Variants in DUSP5 observed in about 807,000 individuals in gnomAD.
DUSP5 encodes dual specificity protein phosphatase 5.
In DUSP5, 22 loss-of-function variants were observed where a neutral mutation model predicts 33.6. The ratio of observed to expected loss-of-function variants is 0.66; its 90% CI spans 0.47 to 0.94. The LOEUF is 0.94. DUSP5 is among the 40% of genes least tolerant of loss of function. The pLI is 0.00. For missense variants in DUSP5, 551 were observed against 522.1 expected, an observed-to-expected ratio of 1.06 and a Z score of -0.54; for synonymous variants, 270 against 231.1, an observed-to-expected ratio of 1.17 and a Z score of -1.53.
At position 110,498,182 on chromosome 10, in the gene DUSP5, G is replaced by T; in HGVS notation, c.61G>T (p.Ala21Ser). 6.7e-7 allele frequency: 1 copy of T among 1,496,820 alleles called. No individual in the cohort carries two copies. The highest frequency in any genetic ancestry group is 8.9e-7 in the Non-Finnish European group (1 of 1,122,528). 92.7% of individuals were successfully genotyped at this position (1,496,820 alleles called of 1,614,324 possible). ...CAAGATGCTCCGCAAGGAGGCGGCG[G>T]CGCGCTGCGTGGTGCTCGACTGCCG... ...LRKMLRKEAA[A>S]RCVVLDCRPY... Residue 21 changes from alanine to serine, a missense_variant, in exon 1 of 4, where the codon GCG (alanine) becomes TCG (serine). Transcript: ENST00000369583.
intron 1 of DUSP5, among the ~76,000 whole-genome samples, 177 bp downstream of exon 1, chr10:110,498,677 C>T (rs1023875509): frequency 1.3e-5 from 2 of 152,190 alleles, no homozygotes; most frequent in African/African-American, 4.8e-5. Context: ...CAGAGCTCCC[C>T]CTCTTCCCCA....
intron 1 of DUSP5, 112 bp from the exon 2 acceptor site, chr10:110,502,609 A>ATTTTTT: frequency 1.5e-6 from 2 of 1,320,580 alleles, no homozygotes; most frequent in Middle Eastern, 2.1e-4. Flanking sequence ...GTACTGGCTT[A>ATTTTTT]TTTTTTTTCT....
At chr10:110,502,977 G>A in intron 2 of DUSP5, 108 bp downstream of exon 2, 1 of 1,446,068 alleles carries the variant, frequency 6.9e-7, no homozygotes, top group South Asian at 1.4e-5. Context: ...ATGATGGTTA[G>A]TTCTTTTGTG....
At chr10:110,505,914 G>A (rs919134669) in intron 2 of DUSP5, among the ~76,000 whole-genome samples, 3 of 152,110 alleles carry the variant, frequency 2.0e-5, no homozygotes, top group African/African-American at 4.8e-5. Flanking sequence ...CTCTGTAAGC[G>A]GGTCTCACCA....
intron 3 of DUSP5, among the ~76,000 whole-genome samples, chr10:110,508,902 G>A (rs969829125): frequency 2.0e-5 from 3 of 152,190 alleles, no homozygotes; most frequent in Non-Finnish European, 4.4e-5. Flanking sequence ...CCTCCCTGAT[G>A]CCTCAGAAAT....
rs1860180501 is a variant in DUSP5 at position 110,510,639 on chromosome 10, C to G, written c.*213C>G. ...AAGGAAGGCCAAGCCATTACGGGAG[C>G]ACAGCATGTGCTGACTACTGTACTT... On this transcript the variant is annotated 3_prime_UTR_variant, in exon 4 of 4. Transcript: ENST00000369583. 1 of 631,572 alleles carries G rather than the reference C, an allele frequency of 1.6e-6. No homozygotes were observed. The allele number at this position is 631,572 out of a possible 1,614,324, so 39.1% of individuals were successfully genotyped here.
intron 1 of DUSP5, among the ~76,000 whole-genome samples, chr10:110,500,848 C>G (rs979341188): frequency 2.6e-5 from 4 of 152,200 alleles, no homozygotes; most frequent in Non-Finnish European, 1.5e-5. Context: ...TCCTCTGAAT[C>G]CCAGCTTGAA....
chr10:110,509,546 G>A (rs944957356), intron 3 of DUSP5, among the ~76,000 whole-genome samples: 1 of 152,192 alleles, frequency 6.6e-6, no homozygotes, highest in Non-Finnish European at 1.5e-5. Flanking sequence ...GGAGAGACAA[G>A]AGTTGCTTCT....
At chr10:110,506,864 G>A in intron 2 of DUSP5, 71 bp from the exon 3 acceptor site, 5 of 1,498,748 alleles carry the variant, frequency 3.3e-6, no homozygotes, top group Non-Finnish European at 3.7e-6. Flanking sequence ...ATAGGTCGGA[G>A]TTGTTTTTTC....
intron 3 of DUSP5, among the ~76,000 whole-genome samples, chr10:110,508,498 T>A (rs1256252524): frequency 2.6e-5 from 4 of 152,170 alleles, no homozygotes; most frequent in Non-Finnish European, 2.9e-5. Context: ...TTTTCTCCGA[T>A]TGCTTGCCCT....
Position 110,498,077 on chromosome 10 carries a change from CGCGGGGCGCGCGGCGCGGGGCCGCTG to C in DUSP5, c.-42_-17del. 8.7e-7 allele frequency: 1 copy of C among 1,152,882 alleles called. No individual in the cohort carries two copies. Among genetic ancestry groups the C allele is most frequent in the Non-Finnish European group, 1.1e-6 (1 of 944,162 alleles). The allele number at this position is 1,152,882 out of a possible 1,614,324, so 71.4% of individuals were successfully genotyped here. On this transcript the variant is annotated 5_prime_UTR_variant, in exon 1 of 4. Transcript: ENST00000369583. ...CGTGGACACCCTGGCCGTGGGCACC[CGCGGGGCGCGCGGCGCGGGGCCGCTG>C]GCCGGCGGCGGCGGCGGCATGAAGG...
chr10:110,506,755 A>T (rs1277142292), intron 2 of DUSP5, among the ~76,000 whole-genome samples, 180 bp from the exon 3 acceptor site: 1 of 152,222 alleles, frequency 6.6e-6, no homozygotes, highest in Non-Finnish European at 1.5e-5. Flanking sequence ...TAAGGTAGAG[A>T]GTTGGCCAGG....
rs547674533 is a variant in DUSP5 at position 110,498,591 on chromosome 10, G to T, written c.379+91G>T. The T allele has an allele frequency of 5.3e-6, 7 of 1,323,390 alleles. No individual in the cohort carries two copies. In the South Asian group the frequency reaches 1.3e-4, roughly 25 times the overall value. The allele number at this position is 1,323,390 out of a possible 1,614,324, so 82.0% of individuals were successfully genotyped here. A position where few individuals can be genotyped will look rare whatever the true frequency, so the allele number is the denominator to read the frequency against. Reference sequence around the variant, plus strand: ...GGCGCCCTCCTACACCCTGGGACCGGGAGAGTCACCACCTGCAGGAGTCTG... The same window carrying T: ...GGCGCCCTCCTACACCCTGGGACCGTGAGAGTCACCACCTGCAGGAGTCTG... On this transcript the variant is annotated intron_variant, in intron 1 of 3. Coordinates refer to ENST00000369583, the MANE Select transcript of DUSP5 (RefSeq NM_004419.4).
chr10:110,505,574 C>T (rs1382112450), intron 2 of DUSP5, among the ~76,000 whole-genome samples: 3 of 152,192 alleles, frequency 2.0e-5, no homozygotes, highest in African/African-American at 4.8e-5. Context: ...CCCTGTCCCA[C>T]GCACCCTTCC....
rs151142758 is a variant in DUSP5 at position 110,500,332 on chromosome 10, A to G, written c.379+1832A>G. Among the ~76,000 whole-genome samples, 441 of 152,310 alleles carry G rather than the reference A, an allele frequency of 2.9e-3. 1 individual carries two copies. The highest frequency in any genetic ancestry group is 4.7e-3 in the Non-Finnish European group (322 of 68,014). The stretch of plus-strand genomic sequence containing the variant: ...AGCAATGCGGTAGATGTCCTTCTCC[A>G]TGTGCTCTTGCGTGTGCAGTGCCTT... On this transcript the variant is annotated intron_variant, in intron 1 of 3. Coordinates refer to ENST00000369583, the MANE Select transcript of DUSP5 (RefSeq NM_004419.4).
intron 1 of DUSP5, among the ~76,000 whole-genome samples, chr10:110,500,103 G>A (rs1860024641): frequency 6.6e-6 from 1 of 152,250 alleles, no homozygotes; most frequent in African/African-American, 2.4e-5. Context: ...ACTCCCCAGA[G>A]ACAGTCGTCA....
Position 110,510,335 on chromosome 10 carries a change from C to T in DUSP5, c.1064C>T (p.Thr355Ile), listed in dbSNP as rs1237922623. 6.2e-7 allele frequency: 1 copy of T among 1,614,166 alleles called. No individual in the cohort carries two copies. The highest frequency in any genetic ancestry group is 8.5e-7 in the Non-Finnish European group (1 of 1,180,020). The change falls in exon 4 of 4, where the codon ACA (threonine) becomes ATA (isoleucine). Residue 355 changes from threonine (T) to isoleucine (I), a missense_variant. Around this residue, in one of 3 missense-constraint regions of DUSP5, gnomAD observed 158 missense variants for 181.8 expected, o/e 0.87. Transcript: ENST00000369583. ...LSPDMQGAYC[T>I]FPASVLAPVP... is the part of the protein sequence containing the mutation. ...CCTGACATGCAGGGTGCCTACTGCA[C>T]ATTCCCTGCCTCGGTGCTGGCACCG... is the stretch of plus-strand genomic sequence containing the variant.
chr10:110,506,802 C>A (rs1860124123), intron 2 of DUSP5, 133 bp from the exon 3 acceptor site: 3 of 955,992 alleles, frequency 3.1e-6, no homozygotes, highest in Admixed American at 2.0e-5. Context: ...ACTGCCCTGG[C>A]TCTGAACTCC....
In DUSP5 at chr10:110,499,323, T is replaced by C. The variant is rs548542059; in HGVS notation, c.379+823T>C. 2.9e-3 allele frequency among the ~76,000 whole-genome samples: 441 copies of C among 152,294 alleles called. 1 individual carries two copies. Among genetic ancestry groups the C allele is most frequent in the Non-Finnish European group, 4.7e-3 (321 of 68,012 alleles). On this transcript the variant is annotated intron_variant, in intron 1 of 3. Coordinates refer to ENST00000369583, the MANE Select transcript of DUSP5 (RefSeq NM_004419.4). ...TGGCTTCTGGTGGTGGGTGGGTGATTGACTCTCAAAATCCAAAGCATTGGT... is the reference window on the plus strand; with the variant it reads ...TGGCTTCTGGTGGTGGGTGGGTGATCGACTCTCAAAATCCAAAGCATTGGT...
Sources: gnomAD v4.1 joint callset for allele counts (sites outside exome capture counted in the v4.1 genomes callset) on GRCh38, gnomAD v4.1.1 for gene constraint, gnomAD v4.1.1 regional missense constraint, MANE v1.5 for transcripts, NCBI Gene and HGNC (gene_info 2026-07-23, HGNC 2026-07-21) for gene names.